Variants in SLC38A1 observed in about 807,000 individuals in gnomAD.
SLC38A1 encodes solute carrier family 38 member 1, also known as sodium-coupled neutral amino acid symporter 1.
In SLC38A1, 18 loss-of-function variants were observed where a neutral mutation model predicts 60.3. The ratio of observed to expected loss-of-function variants is 0.30; its 90% CI spans 0.21 to 0.44. The LOEUF is 0.44. Ranked by LOEUF, SLC38A1 falls within the 20% of genes least tolerant of loss-of-function variation. The pLI is 1.00. For missense variants in SLC38A1, 448 were observed against 587.2 expected (o/e 0.76, Z 2.45); for synonymous variants, 196 against 212.1 (o/e 0.92, Z 0.66).
At chr12:46,223,412 CACT>C (rs1393071373) in intron 5 of SLC38A1, among the ~76,000 whole-genome samples, 1 of 151,690 alleles carries the variant, frequency 6.6e-6, no homozygotes, top group African/African-American at 2.4e-5. Flanking sequence ...ATGCACCACG[CACT>C]ACTATCACTC....
chr12:46,232,263 G>A lies in SLC38A1; in HGVS notation c.123-2624C>T, dbSNP rs111904985. 8.6e-3 allele frequency among the ~76,000 whole-genome samples: 1,306 copies of A among 152,270 alleles called. 11 individuals carry two copies. Among genetic ancestry groups the A allele is most frequent in the Non-Finnish European group, 0.012 (846 of 68,022 alleles). ...TTCGGACAAGGAGAGACCATACCAG[G>A]TAACACCAGTATAGGAACGTCAGGC... On this transcript the variant is annotated intron_variant, in intron 3 of 16. Coordinates refer to ENST00000398637, the MANE Select transcript of SLC38A1 (RefSeq NM_030674.4).
At chr12:46,191,940 T>G (rs1034288436) in intron 16 of SLC38A1, among the ~76,000 whole-genome samples, 1 of 152,228 alleles carries the variant, frequency 6.6e-6, no homozygotes, top group African/African-American at 2.4e-5. Context: ...TTGTGCCTGA[T>G]TGCCCTAGCC....
chr12:46,259,945 GGAAATTCT>G (rs1201004244), intron 1 of SLC38A1, among the ~76,000 whole-genome samples: 1 of 152,106 alleles, frequency 6.6e-6, no homozygotes, highest in African/African-American at 2.4e-5. Flanking sequence ...TGCCTGATTA[GGAAATTCT>G]GGCTCCACCA....
At chr12:46,189,310 T>TCTTTGA (rs1457468950) in intron 16 of SLC38A1, among the ~76,000 whole-genome samples, 1 of 152,042 alleles carries the variant, frequency 6.6e-6, no homozygotes, top group African/African-American at 2.4e-5. Flanking sequence ...TATGTCCCAT[T>TCTTTGA]CTTTGACTTC....
At chr12:46,264,360 C>T (rs1001846635) in intron 1 of SLC38A1, among the ~76,000 whole-genome samples, 1 of 152,102 alleles carries the variant, frequency 6.6e-6, no homozygotes, top group African/African-American at 2.4e-5. Flanking sequence ...GGGTACCCAG[C>T]TAGTTATTGC....
At position 46,209,040 on chromosome 12, in the gene SLC38A1, C is replaced by T. The variant is rs893597294; in HGVS notation, c.388+14G>A. On this transcript the variant is annotated intron_variant, in intron 6 of 16. Transcript: ENST00000398637. Reference sequence around the variant, plus strand: ...ACCCTGGTTTTAACAAAATCAAACACGTCCTCAGCTTACCTGTTTCTTTTG... The same window carrying T: ...ACCCTGGTTTTAACAAAATCAAACATGTCCTCAGCTTACCTGTTTCTTTTG... 1.3e-5 allele frequency: 20 copies of T among 1,587,776 alleles called. No individual in the cohort carries two copies. Among genetic ancestry groups the T allele is most frequent in the African/African-American group, 8.1e-5 (6 of 74,110 alleles).
chr12:46,236,408 C>T (rs894243610), intron 3 of SLC38A1, among the ~76,000 whole-genome samples: 9 of 152,080 alleles, frequency 5.9e-5, no homozygotes, highest in African/African-American at 1.9e-4. Context: ...TGTTCTTAAC[C>T]TACAGATAAT....
chr12:46,209,143 T>C lies in SLC38A1; in HGVS notation c.315-16A>G, dbSNP rs750696097. ...CAAAAGTACCCTAAAGCAAAGAAAA[T>C]AAATCTTATTGTAATATCTAGAAAA... On this transcript the variant is annotated splice_polypyrimidine_tract_variant and intron_variant, in intron 5 of 16. Coordinates refer to ENST00000398637, the MANE Select transcript of SLC38A1 (RefSeq NM_030674.4). 6.6e-7 allele frequency: 1 copy of C among 1,521,096 alleles called. No homozygotes were observed. The highest frequency in any genetic ancestry group is 1.1e-5 in the South Asian group (1 of 87,938). The allele number at this position is 1,521,096 out of a possible 1,614,324, so 94.2% of individuals were successfully genotyped here.
At chr12:46,253,928 G>A (rs1461236618) in intron 1 of SLC38A1, among the ~76,000 whole-genome samples, 1 of 152,132 alleles carries the variant, frequency 6.6e-6, no homozygotes, top group Non-Finnish European at 1.5e-5. Context: ...CATCAGTATG[G>A]TGAGGGACAT....
chr12:46,220,692 C>A (rs578022311), intron 5 of SLC38A1, among the ~76,000 whole-genome samples: 3 of 152,124 alleles, frequency 2.0e-5, no homozygotes, highest in Non-Finnish European at 4.4e-5. Flanking sequence ...GTCATTCAAC[C>A]TTTTTGGCAT....
chr12:46,222,593 G>A (rs543609832), intron 5 of SLC38A1, among the ~76,000 whole-genome samples: 1 of 152,216 alleles, frequency 6.6e-6, no homozygotes, highest in African/African-American at 2.4e-5. Context: ...ACTCTTTTAA[G>A]TAGTAGTCTA....
intron 15 of SLC38A1, 23 bp from the exon 16 acceptor site, chr12:46,197,840 A>C: frequency 6.3e-7 from 1 of 1,597,178 alleles, no homozygotes; most frequent in Non-Finnish European, 8.5e-7. Flanking sequence ...ACAAAAGAGA[A>C]AGTTTAGCAT....
chr12:46,245,490 G>A (rs753375100), intron 1 of SLC38A1, among the ~76,000 whole-genome samples: 3 of 152,150 alleles, frequency 2.0e-5, no homozygotes, highest in Non-Finnish European at 4.4e-5. Context: ...TGGAGAAAAG[G>A]AAATCTTTGT....
chr12:46,224,536 G>A (rs377614344), intron 5 of SLC38A1, among the ~76,000 whole-genome samples: 6 of 152,208 alleles, frequency 3.9e-5, no homozygotes, highest in Non-Finnish European at 7.3e-5. Flanking sequence ...ACACTAAGGA[G>A]CCTTCCCAGC....
intron 1 of SLC38A1, among the ~76,000 whole-genome samples, chr12:46,265,251 G>A (rs920249709): frequency 6.6e-6 from 1 of 152,208 alleles, no homozygotes; most frequent in Non-Finnish European, 1.5e-5. Context: ...CAAGATTCCT[G>A]GGTGAGTAAG....
intron 9 of SLC38A1, among the ~76,000 whole-genome samples, chr12:46,205,454 AG>A (rs1347197585): frequency 2.0e-5 from 3 of 152,202 alleles, no homozygotes; most frequent in Admixed American, 2.0e-4. Flanking sequence ...TACATTTTAT[AG>A]GTTTTTGACT....
intron 5 of SLC38A1, among the ~76,000 whole-genome samples, chr12:46,209,920 G>A (rs142451812): frequency 6.6e-6 from 1 of 152,176 alleles, no homozygotes; most frequent in African/African-American, 2.4e-5. Flanking sequence ...TGAAAATAAA[G>A]CCTATTTATT....
At chr12:46,225,556 G>A (rs1027014611) in intron 5 of SLC38A1, among the ~76,000 whole-genome samples, 2 of 152,146 alleles carry the variant, frequency 1.3e-5, no homozygotes, top group Admixed American at 6.5e-5. Context: ...CCCCAGAACA[G>A]GGGATTGGGA....
At chr12:46,225,369 T>C (rs1437256368) in intron 5 of SLC38A1, among the ~76,000 whole-genome samples, 1 of 152,186 alleles carries the variant, frequency 6.6e-6, no homozygotes, top group Non-Finnish European at 1.5e-5. Context: ...AATCTGAATA[T>C]ATGTTCTCTG....
Sources: allele counts gnomAD v4.1 joint callset (sites outside exome capture counted in the v4.1 genomes callset), GRCh38; gene constraint gnomAD v4.1.1; transcripts MANE v1.5; gene names NCBI Gene and HGNC (gene_info 2026-07-23, HGNC 2026-07-21).